The following BTBD7 variants were observed in gnomAD, a reference collection of about 807,000 sequenced individuals.
BTBD7 encodes BTB domain containing 7.
A neutral mutation model predicts 99.9 loss-of-function variants in BTBD7; 38 were observed. The observed-to-expected ratio is 0.38, with a 90% CI of 0.29 to 0.50. BTBD7 has a LOEUF of 0.50. Ranked by LOEUF, BTBD7 falls within the 20% of genes least tolerant of loss-of-function variation. The pLI is 0.93. For synonymous variants in BTBD7, 520 were observed against 511.4 expected, an observed-to-expected ratio of 1.02 and a Z score of -0.23; for missense variants, 1,170 against 1,394.6, an observed-to-expected ratio of 0.84 and a Z score of 2.57.
intron 9 of BTBD7, among the ~76,000 whole-genome samples, chr14:93,247,475 G>GGCT (rs2052326213): frequency 6.6e-6 from 1 of 152,126 alleles, no homozygotes; most frequent in Admixed American, 6.5e-5. Context: ...AGCCTCCCGA[G>GGCT]GCTGGGACTA....
chr14:93,244,091 A>T, intron 10 of BTBD7: 1 of 481,462 alleles, frequency 2.1e-6, no homozygotes, highest in Non-Finnish European at 4.1e-6. Flanking sequence ...CAGTAGAGGA[A>T]GGGCAAGGAT....
At chr14:93,278,681 C>T (rs990102046) in intron 3 of BTBD7, among the ~76,000 whole-genome samples, 7 of 152,272 alleles carry the variant, frequency 4.6e-5, no homozygotes, top group African/African-American at 1.2e-4. Flanking sequence ...AGTGGAAGTA[C>T]GTATTTTATA....
At chr14:93,302,214 G>A (rs1227879036) in intron 1 of BTBD7, among the ~76,000 whole-genome samples, 1 of 152,142 alleles carries the variant, frequency 6.6e-6, no homozygotes, top group African/African-American at 2.4e-5. Context: ...TAAGCACAAG[G>A]CATGGTTAAA....
intron 3 of BTBD7, among the ~76,000 whole-genome samples, chr14:93,274,283 C>A (rs887879742): frequency 1.3e-5 from 2 of 152,176 alleles, no homozygotes; most frequent in African/African-American, 2.4e-5. Flanking sequence ...GCAACTCTTG[C>A]GCCCACTGCA....
At position 93,301,504 on chromosome 14, in the gene BTBD7, C is replaced by CATATAT. The variant is rs146779909; in HGVS notation, c.-106-5353_-106-5348dup. On this transcript the variant is annotated intron_variant, in intron 1 of 10. Transcript: ENST00000334746. ...CGTGCCCAGCCAAAAAATATTTTTA[C>CATATAT]ATATATATATATATACACACACACA... Among the ~76,000 whole-genome samples, 1,253 of 150,120 alleles carry CATATAT rather than the reference C, an allele frequency of 8.3e-3. 8 individuals carry two copies. Among genetic ancestry groups the CATATAT allele is most frequent in the Middle Eastern group, 0.014 (4 of 288 alleles).
intron 10 of BTBD7, among the ~76,000 whole-genome samples, chr14:93,245,146 G>A (rs943543951): frequency 1.4e-5 from 2 of 139,948 alleles, no homozygotes; most frequent in Non-Finnish European, 3.0e-5. Flanking sequence ...ACAGGTGTGA[G>A]TCATGGCACC....
rs1477052051 is a variant in BTBD7 at position 93,241,752 on chromosome 14, A to G, written c.*521T>C. The G allele has an allele frequency of 6.5e-6, 1 of 153,944 alleles. No homozygotes were observed. The highest frequency in any genetic ancestry group is 1.4e-5 in the Non-Finnish European group (1 of 68,976). The allele number at this position is 153,944 out of a possible 1,614,324, so 9.5% of individuals were successfully genotyped here. A position where few individuals can be genotyped will look rare whatever the true frequency, so the allele number is the denominator to read the frequency against. On this transcript the variant is annotated 3_prime_UTR_variant, in exon 11 of 11. Coordinates refer to ENST00000334746, the MANE Select transcript of BTBD7 (RefSeq NM_001002860.4). ...ATCTCTGAACTAAAACAATTACTGA[A>G]AAGAGAGGAGCATTCTGATGTGCTG... is the stretch of plus-strand genomic sequence containing the variant.
chr14:93,296,255 A>G (rs546319069), intron 1 of BTBD7, 98 bp from the exon 2 acceptor site: 4 of 822,910 alleles, frequency 4.9e-6, no homozygotes, highest in South Asian at 3.8e-5. Context: ...TCATTCACAA[A>G]TAACAACACG....
Position 93,242,774 on chromosome 14 carries a change from G to A in BTBD7, c.2898C>T (p.Ser966=), listed in dbSNP as rs139558603. The change falls in exon 11 of 11, where the codon TCC becomes TCT. Residue 966 remains serine (S), a synonymous_variant. Transcript: ENST00000334746. The part of the protein sequence containing the change: ...STPALSRRTP[S]PSQGGYFGPD... The stretch of plus-strand genomic sequence containing the variant: ...GACCAAAATATCCACCTTGCGAAGG[G>A]GAAGGGGTGCGTCTGCTGAGAGCAG... 2 of 1,614,198 alleles carry A rather than the reference G, an allele frequency of 1.2e-6. No homozygotes were observed. The highest frequency in any genetic ancestry group is 2.2e-5 in the South Asian group (2 of 91,082).
intron 8 of BTBD7, among the ~76,000 whole-genome samples, chr14:93,251,047 G>A (rs747827775): frequency 3.9e-5 from 6 of 152,182 alleles, no homozygotes; most frequent in Non-Finnish European, 5.9e-5. Flanking sequence ...GTCCCACAGG[G>A]CACAACTGGC....
chr14:93,289,832 A>G (rs2052825286), intron 3 of BTBD7, among the ~76,000 whole-genome samples: 2 of 150,210 alleles, frequency 1.3e-5, no homozygotes, highest in Non-Finnish European at 2.9e-5. Flanking sequence ...GTGTAGGCCA[A>G]GAATCTCAAC....
At chr14:93,246,775 G>C (rs181301759) in intron 9 of BTBD7, among the ~76,000 whole-genome samples, 2 of 152,212 alleles carry the variant, frequency 1.3e-5, no homozygotes, top group Non-Finnish European at 2.9e-5. Context: ...CATTATAAAA[G>C]AATATGTCAT....
intron 3 of BTBD7, among the ~76,000 whole-genome samples, chr14:93,280,448 CAA>C (rs35493255): frequency 0.17 from 25,432 of 152,152 alleles, 2,341 homozygotes; most frequent in East Asian, 0.31. Context: ...TCGCTAGAAA[CAA>C]AGACATTTAA....
intron 1 of BTBD7, among the ~76,000 whole-genome samples, chr14:93,324,498 T>C (rs2053306302): frequency 6.6e-6 from 1 of 151,980 alleles, no homozygotes; most frequent in Non-Finnish European, 1.5e-5. Flanking sequence ...TTATCTGTCA[T>C]GAGAAGTCCT....
At chr14:93,291,191 G>A (rs1052965286) in intron 3 of BTBD7, among the ~76,000 whole-genome samples, 1 of 152,038 alleles carries the variant, frequency 6.6e-6, no homozygotes, top group Non-Finnish European at 1.5e-5. Context: ...ATGGTAGTGA[G>A]AGACATATGT....
chr14:93,288,461 TCTCA>T (rs1267313695), intron 3 of BTBD7: 4 of 708,718 alleles, frequency 5.6e-6, no homozygotes, highest in Non-Finnish European at 5.1e-6. Flanking sequence ...CCTGCTTATG[TCTCA>T]CTGATTCCAT....
rs11308931 is a variant in BTBD7, at chr14:93,309,408, GAAA to G, written c.-106-13254_-106-13252del. 8.7e-3 allele frequency among the ~76,000 whole-genome samples: 1,103 copies of G among 127,052 alleles called. 3 individuals carry two copies. Among genetic ancestry groups the G allele is most frequent in the Non-Finnish European group, 0.014 (852 of 59,876 alleles). 83.4% of individuals were successfully genotyped at this position (127,052 alleles called of 152,430 possible). On this transcript the variant is annotated intron_variant, in intron 1 of 10. Coordinates refer to ENST00000334746, the MANE Select transcript of BTBD7 (RefSeq NM_001002860.4). The stretch of plus-strand genomic sequence containing the variant: ...AAGGGCAAAACTCCTCTGTCTCCAA[GAAA>G]AAAAAAAAAAAAAGAGTAAAATGGC...
chr14:93,253,943 AAT>A (rs1491320343), intron 6 of BTBD7, among the ~76,000 whole-genome samples, 153 bp from the exon 7 acceptor site: 9 of 151,536 alleles, frequency 5.9e-5, no homozygotes, highest in Admixed American at 3.3e-4. Flanking sequence ...AAATACCTCA[AAT>A]TTTTTTTTTT....
chr14:93,300,220 A>C (rs1454532444), intron 1 of BTBD7, among the ~76,000 whole-genome samples: 1 of 151,394 alleles, frequency 6.6e-6, no homozygotes, highest in Non-Finnish European at 1.5e-5. Context: ...TTATTAGTTT[A>C]GGAAATATGG....
Sources: gnomAD v4.1 joint callset for allele counts (sites outside exome capture counted in the v4.1 genomes callset) on GRCh38, gnomAD v4.1.1 for gene constraint, MANE v1.5 for transcripts, NCBI Gene and HGNC (gene_info 2026-07-23, HGNC 2026-07-21) for gene names.